Variants in COL4A6 observed in about 807,000 individuals in gnomAD.
COL4A6 encodes collagen alpha-6(IV) chain.
In COL4A6, 59 loss-of-function variants were observed where a neutral mutation model predicts 126.7. The ratio of observed to expected loss-of-function variants is 0.47; its 90% CI spans 0.38 to 0.58. The LOEUF (loss-of-function observed/expected upper bound fraction) is 0.58, where lower values mean the gene tolerates loss of function less well. COL4A6 is among the 20% of genes least tolerant of loss of function. The probability of loss-of-function intolerance (pLI) is 0.00; values close to 1 mark genes in which losing one functional copy is unlikely to be tolerated. For missense variants in COL4A6, 1,285 were observed against 1,337.3 expected (o/e 0.96, Z 0.61); for synonymous variants, 547 against 496.6 (o/e 1.10, Z -1.35).
At chrX:108,374,498 A>G (rs1466459011) in intron 2 of COL4A6, among the ~76,000 whole-genome samples, 1 of 112,052 alleles carries the variant, frequency 8.9e-6, no homozygotes, top group Non-Finnish European at 1.9e-5. Context: ...TTTGGCTGAC[A>G]TTTTAGTATT....
intron 2 of COL4A6, among the ~76,000 whole-genome samples, chrX:108,411,948 A>G (rs1454137337): frequency 9.0e-6 from 1 of 111,120 alleles, no homozygotes; most frequent in Non-Finnish European, 1.9e-5. Flanking sequence ...AGGTTTATGG[A>G]AACTATGCAA....
intron 2 of COL4A6, among the ~76,000 whole-genome samples, chrX:108,391,337 G>A (rs187901226): frequency 1.5e-3 from 168 of 111,847 alleles, no homozygotes; most frequent in Non-Finnish European, 1.9e-3. Flanking sequence ...GGAGATGGGG[G>A]TTTTATCTAT....
chrX:108,224,794 A>G (rs1018024091), intron 3 of COL4A6, among the ~76,000 whole-genome samples: 40 of 111,635 alleles, frequency 3.6e-4, no homozygotes, highest in African/African-American at 1.1e-3. Flanking sequence ...ATACAGCTAA[A>G]GCTTAATATT....
Position 108,160,525 on chromosome X carries a change from A to C in COL4A6, c.4463T>G (p.Leu1488Arg). Reference protein sequence around the residue: ...VPPCPIGMSQLWVGYSLLFVE... With the variant: ...VPPCPIGMSQRWVGYSLLFVE... Reference sequence around the variant, plus strand: ...AAACAGTAAGCTGTACCCCACCCACAGCTGGCTCATCCCGATGGGACACGG... The same window carrying C: ...AAACAGTAAGCTGTACCCCACCCACCGCTGGCTCATCCCGATGGGACACGG... Residue 1488 changes from leucine (L) to arginine (R), a missense_variant, in exon 43 of 45, where the codon CTG (leucine) becomes CGG (arginine). Transcript: ENST00000334504. The C allele has an allele frequency of 8.3e-7, 1 of 1,211,206 alleles. No individual in the cohort carries two copies. The highest frequency in any genetic ancestry group is 1.7e-5 in the African/African-American group (1 of 57,775).
intron 8 of COL4A6, among the ~76,000 whole-genome samples, chrX:108,209,721 T>C (rs781478552): frequency 1.8e-5 from 2 of 112,305 alleles, no homozygotes; most frequent in Non-Finnish European, 3.8e-5. Context: ...GGAAAGTACA[T>C]CCCAGTGAAT....
At chrX:108,408,934 C>A (rs977700862) in intron 2 of COL4A6, among the ~76,000 whole-genome samples, 1 of 111,738 alleles carries the variant, frequency 8.9e-6, no homozygotes, top group African/African-American at 3.3e-5. Context: ...GCACTCCAGC[C>A]TGGACAACAA....
intron 2 of COL4A6, among the ~76,000 whole-genome samples, chrX:108,369,678 G>T: frequency 8.9e-6 from 1 of 112,298 alleles, no homozygotes; most frequent in Non-Finnish European, 1.9e-5. Context: ...GATTGCAAAT[G>T]GTCTGACACA....
At chrX:108,402,232 G>A (rs191681159) in intron 2 of COL4A6, among the ~76,000 whole-genome samples, 2 of 111,220 alleles carry the variant, frequency 1.8e-5, no homozygotes, top group East Asian at 5.6e-4. Context: ...ACTACAGAAT[G>A]CATTTCTTTA....
chrX:108,161,550 C>G (rs899406784), intron 42 of COL4A6, 69 bp downstream of exon 42: 4 of 661,831 alleles, frequency 6.0e-6, no homozygotes, highest in Non-Finnish European at 9.3e-6. Flanking sequence ...GTTTTACTCA[C>G]CCCCAGCCTC....
intron 2 of COL4A6, among the ~76,000 whole-genome samples, chrX:108,397,834 C>T (rs757977655): frequency 9.0e-6 from 1 of 111,622 alleles, no homozygotes; most frequent in Non-Finnish European, 1.9e-5. Context: ...TGATACCAAG[C>T]AAAGGAATTC....
intron 3 of COL4A6, among the ~76,000 whole-genome samples, chrX:108,302,557 G>C (rs1439875020): frequency 9.0e-6 from 1 of 111,364 alleles, no homozygotes; most frequent in Non-Finnish European, 1.9e-5. Context: ...CTATTTGCAG[G>C]AATCTTCTTA....
intron 2 of COL4A6, among the ~76,000 whole-genome samples, chrX:108,340,287 G>A (rs770637172): frequency 1.8e-5 from 2 of 111,191 alleles, no homozygotes; most frequent in South Asian, 7.6e-4. Flanking sequence ...GTTCTACTGA[G>A]GAGCTGAAAT....
intron 2 of COL4A6, among the ~76,000 whole-genome samples, chrX:108,403,097 A>G (rs992087424): frequency 8.1e-5 from 9 of 110,968 alleles, no homozygotes; most frequent in African/African-American, 2.9e-4. Flanking sequence ...TAAATTTTGC[A>G]TTCCATTTCG....
chrX:108,424,095 C>T (rs1397938940), intron 2 of COL4A6, among the ~76,000 whole-genome samples: 1 of 111,720 alleles, frequency 9.0e-6, no homozygotes, highest in East Asian at 2.8e-4. Flanking sequence ...GTGTATGATT[C>T]TTCATAGGGT....
At chrX:108,325,499 A>G (rs1309744461) in intron 2 of COL4A6, among the ~76,000 whole-genome samples, 1 of 111,718 alleles carries the variant, frequency 9.0e-6, no homozygotes, top group African/African-American at 3.2e-5. Flanking sequence ...CCTGGGCTAG[A>G]TGGCCTCACT....
chrX:108,202,570 T>A (rs1257183583), intron 13 of COL4A6, among the ~76,000 whole-genome samples: 1 of 111,934 alleles, frequency 8.9e-6, no homozygotes, highest in African/African-American at 3.2e-5. Flanking sequence ...TTAATCCTCA[T>A]AACCACCCCA....
intron 44 of COL4A6, among the ~76,000 whole-genome samples, chrX:108,158,237 G>A (rs1347543121): frequency 8.9e-6 from 1 of 112,747 alleles, no homozygotes; most frequent in East Asian, 2.8e-4. Context: ...TTTTTGTGGG[G>A]GATGATTATG....
chrX:108,357,821 T>C (rs927656334), intron 2 of COL4A6, among the ~76,000 whole-genome samples: 2 of 111,083 alleles, frequency 1.8e-5, no homozygotes, highest in African/African-American at 6.6e-5. Flanking sequence ...AGAGTAACTC[T>C]AGCAGTTACG....
At chrX:108,363,209 G>A (rs2040125678) in intron 2 of COL4A6, among the ~76,000 whole-genome samples, 1 of 111,790 alleles carries the variant, frequency 8.9e-6, no homozygotes, top group South Asian at 3.8e-4. Flanking sequence ...GAATATTATA[G>A]AGGAGGTTTG....
Sources: allele counts gnomAD v4.1 joint callset (sites outside exome capture counted in the v4.1 genomes callset), GRCh38; gene constraint gnomAD v4.1.1; transcripts MANE v1.5; gene names NCBI Gene and HGNC (gene_info 2026-07-23, HGNC 2026-07-21).